STAM2: variants seen among roughly 807,000 people sequenced by gnomAD.
STAM2 encodes signal transducing adaptor molecule 2.
In STAM2, 51 loss-of-function variants were observed where a neutral mutation model predicts 65.6. The observed-to-expected ratio is 0.78, with a 90% CI of 0.62 to 0.98. The LOEUF (loss-of-function observed/expected upper bound fraction) is 0.98. Ranked by LOEUF, STAM2 falls within the 50% of genes least tolerant of loss-of-function variation. The probability of loss-of-function intolerance (pLI) is 0.00; values close to 1 mark genes in which losing one functional copy is unlikely to be tolerated. For missense variants in STAM2, 584 were observed against 617.8 expected (o/e 0.95, Z 0.58); for synonymous variants, 198 against 208.4 (o/e 0.95, Z 0.43).
At chr2:152,172,611 G>A (rs139245887) in intron 1 of STAM2, among the ~76,000 whole-genome samples, 2,818 of 152,228 alleles carry the variant, frequency 0.019, 95 homozygotes, top group African/African-American at 0.065. Flanking sequence ...GCTCACGCCT[G>A]TAATCTCAAC....
chr2:152,144,134 CAG>C, intron 6 of STAM2, 121 bp from the exon 7 acceptor site: 1 of 747,454 alleles, frequency 1.3e-6, no homozygotes. Flanking sequence ...TTACATGCTA[CAG>C]TTAACTTTCG....
At chr2:152,151,134 C>CA (rs1689437273) in intron 1 of STAM2, among the ~76,000 whole-genome samples, 1 of 147,176 alleles carries the variant, frequency 6.8e-6, no homozygotes, top group South Asian at 2.1e-4. Context: ...AACGCTGAGT[C>CA]AAAAAAGCTA....
Position 152,148,282 on chromosome 2 carries a change from T to C in STAM2, c.144A>G (p.Lys48=). 6.2e-7 allele frequency: 1 copy of C among 1,609,866 alleles called. No individual in the cohort carries two copies. Among genetic ancestry groups the C allele is most frequent in the Non-Finnish European group, 8.5e-7 (1 of 1,178,422 alleles). ...TATGATTTACCCTTTTCATTATGGC[T>C]TTTAGGCAATCTTTCGCTCTAAAAA... The part of the protein sequence containing the change: ...STPNGAKDCL[K]AIMKRVNHKV... The change falls in exon 3 of 14, where the codon AAA becomes AAG. Residue 48 remains lysine (K), a synonymous_variant. Coordinates refer to ENST00000263904, the MANE Select transcript of STAM2 (RefSeq NM_005843.6).
chr2:152,161,510 A>C (rs891459538), intron 1 of STAM2, among the ~76,000 whole-genome samples: 15 of 151,742 alleles, frequency 9.9e-5, no homozygotes, highest in African/African-American at 2.2e-4. Context: ...AAAAAAAAAA[A>C]AAAAAACATT....
chr2:152,145,052 A>G, intron 5 of STAM2, 95 bp from the exon 6 acceptor site: 3 of 948,920 alleles, frequency 3.2e-6, no homozygotes, highest in Non-Finnish European at 5.1e-6. Context: ...AAAAATACTG[A>G]TATAACTGAG....
At position 152,126,313 on chromosome 2, in the gene STAM2, C is replaced by T. The variant is rs750134293; in HGVS notation, c.1092G>A (p.Leu364=). Residue 364 remains leucine, a synonymous_variant, in exon 12 of 14, where the codon TTG becomes TTA. Transcript: ENST00000263904. ...CTGAGTACACTGGTGCTTCATTCAC[C>T]AATTTGTTATATAGTTCCAGAGCTT... The part of the protein sequence containing the change: ...VLEALELYNK[L]VNEAPVYSVY... 6.2e-7 allele frequency: 1 copy of T among 1,606,624 alleles called. No individual in the cohort carries two copies. The highest frequency in any genetic ancestry group is 1.3e-5 in the African/African-American group (1 of 74,764).
intron 7 of STAM2, among the ~76,000 whole-genome samples, chr2:152,138,729 GTT>G (rs2105540825): frequency 6.6e-6 from 1 of 152,250 alleles, no homozygotes; most frequent in African/African-American, 2.4e-5. Flanking sequence ...TGTACTGACA[GTT>G]CTAAGATATC....
intron 1 of STAM2, among the ~76,000 whole-genome samples, chr2:152,167,210 G>A (rs1689803447): frequency 1.3e-5 from 2 of 152,138 alleles, no homozygotes; most frequent in East Asian, 1.9e-4. Flanking sequence ...CTTAACTGGA[G>A]GAAACTAAAG....
intron 1 of STAM2, among the ~76,000 whole-genome samples, chr2:152,171,311 T>C (rs986677839): frequency 1.3e-5 from 2 of 152,172 alleles, no homozygotes; most frequent in African/African-American, 4.8e-5. Flanking sequence ...ATTTTCTATT[T>C]TATGCTGAAA....
chr2:152,140,629 A>C (rs1193529832), intron 7 of STAM2, among the ~76,000 whole-genome samples: 1 of 152,206 alleles, frequency 6.6e-6, no homozygotes, highest in Non-Finnish European at 1.5e-5. Flanking sequence ...ACTTTTTAAC[A>C]TGGGGAGGCA....
At chr2:152,136,893 T>C (rs936665366) in intron 7 of STAM2, among the ~76,000 whole-genome samples, 17 of 122,110 alleles carry the variant, frequency 1.4e-4, no homozygotes, top group African/African-American at 2.4e-4. Context: ...AACATTTTTC[T>C]TTTTTTTTTT....
chr2:152,164,553 G>C (rs947670103), intron 1 of STAM2, among the ~76,000 whole-genome samples: 6 of 152,152 alleles, frequency 3.9e-5, no homozygotes, highest in Admixed American at 3.3e-4. Flanking sequence ...TGTTGGTCAG[G>C]CTGGTCTCAA....
chr2:152,155,292 C>G (rs1478150635), intron 1 of STAM2, among the ~76,000 whole-genome samples: 2 of 152,190 alleles, frequency 1.3e-5, no homozygotes, highest in Non-Finnish European at 2.9e-5. Flanking sequence ...AACAGCAGAG[C>G]TTTTGAGTAC....
chr2:152,175,424 A>G (rs1689996337), intron 1 of STAM2, among the ~76,000 whole-genome samples, 179 bp downstream of exon 1: 1 of 152,124 alleles, frequency 6.6e-6, no homozygotes, highest in Non-Finnish European at 1.5e-5. Context: ...CCAGACCGCT[A>G]GCGACGCGCC....
At chr2:152,134,913 T>C (rs1415563186) in intron 8 of STAM2, among the ~76,000 whole-genome samples, 4 of 152,208 alleles carry the variant, frequency 2.6e-5, no homozygotes, top group African/African-American at 7.2e-5. Context: ...CTCAGCATGG[T>C]TGACAATGGC....
chr2:152,147,011 T>C (rs1689348388), intron 5 of STAM2, 151 bp downstream of exon 5: 1 of 630,254 alleles, frequency 1.6e-6, no homozygotes, highest in Non-Finnish European at 2.6e-6. Context: ...CTAGAATGTC[T>C]ACTAAACGTA....
Position 152,144,032 on chromosome 2 carries a change from A to C in STAM2, c.518-19T>G, listed in dbSNP as rs1313838679. The stretch of plus-strand genomic sequence containing the variant: ...TCAATAGCTAGTTTCAAAAATTAAA[A>C]TGCAAAGAAACTGGAATTAATTTTG... On this transcript the variant is annotated intron_variant, in intron 6 of 13. Coordinates refer to ENST00000263904, the MANE Select transcript of STAM2 (RefSeq NM_005843.6). 6.3e-7 allele frequency: 1 copy of C among 1,589,492 alleles called. No individual in the cohort carries two copies. The highest frequency in any genetic ancestry group is 8.5e-7 in the Non-Finnish European group (1 of 1,171,758).
At chr2:152,136,146 A>G (rs1405422224) in intron 7 of STAM2, among the ~76,000 whole-genome samples, 1 of 150,994 alleles carries the variant, frequency 6.6e-6, no homozygotes, top group Admixed American at 6.6e-5. Flanking sequence ...TTTATTCTGG[A>G]CTTTAAAAAA....
At chr2:152,147,077 T>C in intron 5 of STAM2, 85 bp downstream of exon 5, 1 of 1,271,136 alleles carries the variant, frequency 7.9e-7, no homozygotes, top group Non-Finnish European at 1.1e-6. Context: ...AATGATAATC[T>C]AGACATACCT....
Sources: allele counts gnomAD v4.1 joint callset (sites outside exome capture counted in the v4.1 genomes callset), GRCh38; gene constraint gnomAD v4.1.1; transcripts MANE v1.5; gene names NCBI Gene and HGNC (gene_info 2026-07-23, HGNC 2026-07-21).